Variants in WFDC1 observed in about 807,000 individuals in gnomAD.
WFDC1 encodes the protein WAP four-disulfide core domain protein 1.
WFDC1 carries 39 observed loss-of-function variants against 32.9 expected under a neutral mutation model. That is an observed-to-expected ratio of 1.19 (90% CI 0.92 to 1.55). The LOEUF (loss-of-function observed/expected upper bound fraction) is 1.55, where lower values mean the gene tolerates loss of function less well. WFDC1 is among the 40% of genes most tolerant of loss of function. The probability of loss-of-function intolerance (pLI) is 0.00; values close to 1 mark genes in which losing one functional copy is unlikely to be tolerated. For synonymous variants in WFDC1, 184 were observed against 137.4 expected, an observed-to-expected ratio of 1.34 and a Z score of -2.37; for missense variants, 386 against 309.5, an observed-to-expected ratio of 1.25 and a Z score of -1.85.
intron 1 of WFDC1, among the ~76,000 whole-genome samples, chr16:84,305,354 C>T (rs542473650): frequency 7.2e-4 from 109 of 152,316 alleles, no homozygotes; most frequent in Non-Finnish European, 1.2e-3. Flanking sequence ...GGTGGTCCTC[C>T]GAGGGCAGTG....
intron 1 of WFDC1, among the ~76,000 whole-genome samples, chr16:84,306,605 G>A (rs1420910422): frequency 6.6e-6 from 1 of 152,172 alleles, no homozygotes; most frequent in African/African-American, 2.4e-5. Context: ...CCATAGCACA[G>A]CCTTACACAA....
rs1020702985 is a variant in WFDC1 at position 84,295,078 on chromosome 16, A to T, written c.107A>T (p.Lys36Ile). The change falls in exon 1 of 7, where the codon AAA becomes ATA. Residue 36 changes from lysine (K) to isoleucine (I), a missense_variant. Physicochemically the swap from Lys to Ile is moderately radical, Grantham distance 102. Coordinates refer to ENST00000219454, the MANE Select transcript of WFDC1 (RefSeq NM_021197.4). ...GCCGGCTCTGCCAAGAATATCTGGA[A>T]ACGGGCATTGCCTGCGAGGCTGGCC... ...LHAGSAKNIW[K>I]RALPARLAEK... 4 of 1,614,066 alleles carry T rather than the reference A, an allele frequency of 2.5e-6. No homozygotes were observed. The African/African-American group carries it at 5.3e-5, about 22-fold the overall frequency.
At chr16:84,308,751 G>A (rs1431270168) in intron 1 of WFDC1, among the ~76,000 whole-genome samples, 1 of 151,944 alleles carries the variant, frequency 6.6e-6, no homozygotes, top group African/African-American at 2.4e-5. Flanking sequence ...ACGCCATCCT[G>A]AGTGTAGATG....
intron 5 of WFDC1, 70 bp downstream of exon 5, chr16:84,324,530 GA>G (rs1908477601): frequency 1.2e-5 from 19 of 1,549,740 alleles, no homozygotes; most frequent in Admixed American, 7.9e-5. Context: ...CTTATGTGAA[GA>G]AAAAAATAAA....
chr16:84,296,307 T>G (rs1195318593), intron 1 of WFDC1, among the ~76,000 whole-genome samples: 2 of 152,208 alleles, frequency 1.3e-5, no homozygotes, highest in Non-Finnish European at 2.9e-5. Flanking sequence ...CAGGGTAGCA[T>G]GTAGGTTCCT....
chr16:84,324,596 T>TAGA lies in WFDC1; in HGVS notation c.604+140_604+142dup, dbSNP rs1314765552. The TAGA allele has an allele frequency of 1.4e-5, 13 of 958,940 alleles. No individual in the cohort carries two copies. The East Asian group carries it at 3.2e-4, about 24-fold the overall frequency. 59.4% of individuals were successfully genotyped at this position (958,940 alleles called of 1,614,324 possible). On this transcript the variant is annotated intron_variant, in intron 5 of 6. Transcript: ENST00000219454. ...TGGGACCTGGGATTAAGAAACAAAA[T>TAGA]AGAAGACCTGTGGTCTGATGGTGGG...
chr16:84,300,793 A>C (rs985783091), intron 1 of WFDC1, among the ~76,000 whole-genome samples: 3 of 152,134 alleles, frequency 2.0e-5, no homozygotes, highest in Non-Finnish European at 2.9e-5. Context: ...AACATGCTGA[A>C]ACCCTGTCTC....
intron 1 of WFDC1, among the ~76,000 whole-genome samples, chr16:84,301,428 G>A (rs2151366908): frequency 1.3e-5 from 2 of 152,294 alleles, no homozygotes; most frequent in Middle Eastern, 3.4e-3. Context: ...GGGGACAAGT[G>A]GGGCTATCAC....
chr16:84,297,961 C>T lies in WFDC1; in HGVS notation c.144+2846C>T, dbSNP rs1021593753. On this transcript the variant is annotated intron_variant, in intron 1 of 6. Coordinates refer to ENST00000219454, the MANE Select transcript of WFDC1 (RefSeq NM_021197.4). ...CTCACCCTACGCTGAGTGAGACCTTCAGCCTTGGCCCTGACCCTCAAGGGC... is the reference window on the plus strand; with the variant it reads ...CTCACCCTACGCTGAGTGAGACCTTTAGCCTTGGCCCTGACCCTCAAGGGC... Among the ~76,000 whole-genome samples the T allele has an allele frequency of 1.1e-4, 16 of 152,274 alleles. No homozygotes were observed. In the East Asian group the frequency reaches 2.5e-3, roughly 24 times the overall value.
At chr16:84,309,529 C>A (rs1054173066) in intron 1 of WFDC1, among the ~76,000 whole-genome samples, 1 of 151,972 alleles carries the variant, frequency 6.6e-6, no homozygotes, top group African/African-American at 2.4e-5. Flanking sequence ...TAGAATGTGC[C>A]TGGCAGAGGG....
chr16:84,318,910 TTGTG>T (rs58546650), intron 3 of WFDC1: 26,870 of 165,144 alleles, frequency 0.16, 2,264 homozygotes, highest in African/African-American at 0.24. Context: ...GGCTGAATAT[TTGTG>T]TGTGTGTGTG....
rs547349687 is a variant in WFDC1 at position 84,329,511 on chromosome 16, G to C, written c.*205G>C. 2 of 152,068 alleles carry C rather than the reference G, an allele frequency of 1.3e-5. No homozygotes were observed. The highest frequency in any genetic ancestry group is 2.4e-5 in the African/African-American group (1 of 41,394). 9.4% of individuals were successfully genotyped at this position (152,068 alleles called of 1,614,324 possible). A position where few individuals can be genotyped will look rare whatever the true frequency, so the allele number is the denominator to read the frequency against. On this transcript the variant is annotated 3_prime_UTR_variant, in exon 7 of 7. Transcript: ENST00000219454. ...GTGACTTTGTGGGAGCCACTTAACA[G>C]CTCTGGGTCCCTGTTTTACCATCCT...
intron 1 of WFDC1, among the ~76,000 whole-genome samples, chr16:84,304,780 G>T (rs1907148791): frequency 1.3e-5 from 2 of 152,334 alleles, no homozygotes; most frequent in African/African-American, 4.8e-5. Context: ...GGCAACATAA[G>T]CTGGGAGGGA....
rs748999438 is a variant in WFDC1 at position 84,318,337 on chromosome 16, C to A, written c.403C>A (p.Pro135Thr). The A allele has an allele frequency of 5.6e-6, 9 of 1,614,002 alleles. No homozygotes were observed. The South Asian group carries it at 9.9e-5, about 18-fold the overall frequency. Residue 135 changes from proline to threonine, a missense_variant, in exon 3 of 7, where the codon CCT (proline) becomes ACT (threonine). Physicochemically the swap from Pro to Thr is conservative, Grantham distance 38. Coordinates refer to ENST00000219454, the MANE Select transcript of WFDC1 (RefSeq NM_021197.4). ...TGGCAATGGCTGGCTCCTGGATGGC[C>A]CTGAGGAGGTGTTACAAGGTACCTG... ...LGGNGWLLDGPEEVLQAEACS... is the reference protein window; with the variant it reads ...LGGNGWLLDGTEEVLQAEACS...
chr16:84,312,209 A>G (rs1204160355), intron 1 of WFDC1, among the ~76,000 whole-genome samples: 3 of 152,164 alleles, frequency 2.0e-5, no homozygotes, highest in African/African-American at 2.4e-5. Context: ...TTCAAAGCGT[A>G]TAAATCCTAC....
chr16:84,319,721 G>A, intron 4 of WFDC1, 150 bp downstream of exon 4: 1 of 1,095,790 alleles, frequency 9.1e-7, no homozygotes, highest in Non-Finnish European at 1.3e-6. Context: ...CCCCTGCCCG[G>A]CTCCTTCTTT....
At chr16:84,301,302 T>C (rs976469130) in intron 1 of WFDC1, among the ~76,000 whole-genome samples, 1 of 152,160 alleles carries the variant, frequency 6.6e-6, no homozygotes, top group African/African-American at 2.4e-5. Context: ...ACGAATACAG[T>C]CTGCTCTGGG....
At chr16:84,312,924 G>C (rs903136586) in intron 1 of WFDC1, 37 bp from the exon 2 acceptor site, 3 of 1,140,778 alleles carry the variant, frequency 2.6e-6, no homozygotes, top group Middle Eastern at 3.7e-4. Flanking sequence ...ACTCGAACGC[G>C]CGCCCCAGAG....
At chr16:84,325,864 A>G (rs1028856392) in intron 5 of WFDC1, 4 of 151,900 alleles carry the variant, frequency 2.6e-5, no homozygotes, top group African/African-American at 7.3e-5. Flanking sequence ...CCAACCATCC[A>G]TCCATCTGCC....
Sources: allele counts gnomAD v4.1 joint callset (sites outside exome capture counted in the v4.1 genomes callset), GRCh38; gene constraint gnomAD v4.1.1; transcripts MANE v1.5; gene names NCBI Gene and HGNC (gene_info 2026-07-23, HGNC 2026-07-21).